The following DNAH10 variants were observed in gnomAD, a reference collection of about 807,000 sequenced individuals.
The protein encoded by DNAH10 is axonemal beta dynein heavy chain 10.
A neutral mutation model predicts 506.6 loss-of-function variants in DNAH10; 348 were observed. The ratio of observed to expected loss-of-function variants is 0.69; its 90% confidence interval spans 0.63 to 0.75. DNAH10 has a LOEUF of 0.75. DNAH10 is among the 30% of genes least tolerant of loss of function. The probability of loss-of-function intolerance (pLI) is 0.00; values close to 1 mark genes in which losing one functional copy is unlikely to be tolerated. For missense variants in DNAH10, 5,179 were observed against 5,787.1 expected, an observed-to-expected ratio of 0.89 and a Z score of 3.41; for synonymous variants, 2,059 against 2,198.6, an observed-to-expected ratio of 0.94 and a Z score of 1.78.
chr12:123,799,615 G>C (rs77264359), intron 14 of DNAH10, among the ~76,000 whole-genome samples: 1 of 152,026 alleles, frequency 6.6e-6, no homozygotes, highest in Non-Finnish European at 1.5e-5. Flanking sequence ...CCAAGCCTCC[G>C]TTTCCCCATT....
chr12:123,879,069 G>A (rs1174352386), intron 48 of DNAH10, among the ~76,000 whole-genome samples, 195 bp from the exon 49 acceptor site: 1 of 152,114 alleles, frequency 6.6e-6, no homozygotes, highest in Non-Finnish European at 1.5e-5. Context: ...TGACTTTAGG[G>A]GGTTTACATT....
intron 32 of DNAH10, among the ~76,000 whole-genome samples, chr12:123,847,218 TTATC>T (rs61214034): frequency 0.18 from 25,051 of 142,604 alleles, 2,214 homozygotes; most frequent in East Asian, 0.31. Context: ...ATCCATCCTA[TTATC>T]TATCTATCTA....
chr12:123,911,270 G>A (rs1180493079), intron 59 of DNAH10, among the ~76,000 whole-genome samples: 2 of 61,790 alleles, frequency 3.2e-5, no homozygotes, highest in Admixed American at 1.4e-4. Context: ...GGTGGTGGGG[G>A]GTCTGTCCTG....
At chr12:123,767,388 G>A (rs1371322403) in intron 1 of DNAH10, among the ~76,000 whole-genome samples, 1 of 152,074 alleles carries the variant, frequency 6.6e-6, no homozygotes, top group Non-Finnish European at 1.5e-5. Context: ...GATCATTTCT[G>A]TATCCTTCGT....
intron 69 of DNAH10, chr12:123,927,812 G>A (rs1480272580): frequency 6.5e-6 from 1 of 153,854 alleles, no homozygotes; most frequent in Non-Finnish European, 1.4e-5. Context: ...TGGCCCAGGA[G>A]GCAAGCCCTG....
intron 17 of DNAH10, among the ~76,000 whole-genome samples, chr12:123,804,537 A>AG: frequency 6.6e-6 from 1 of 152,114 alleles, no homozygotes; most frequent in East Asian, 1.9e-4. Flanking sequence ...CAAAAAAAAA[A>AG]AAAAAGATAC....
At chr12:123,889,380 C>T (rs1271033187) in intron 52 of DNAH10, among the ~76,000 whole-genome samples, 3 of 152,134 alleles carry the variant, frequency 2.0e-5, no homozygotes, top group Non-Finnish European at 2.9e-5. Flanking sequence ...AGTGGGTTGT[C>T]GGCTCCTTGA....
At position 123,835,496 on chromosome 12, in the gene DNAH10, A is replaced by C. The variant is rs2136547867; in HGVS notation, c.4870A>C (p.Lys1624Gln). ...IRSQLPEEAK[K>Q]FDNIDKVFKR... is the part of the protein sequence containing the mutation. ...ATCACAACTTCCGGAAGAGGCAAAA[A>C]AGTTTGACAACATCGATAAAGTATT... The change falls in exon 28 of 79, where the codon AAG becomes CAG. Residue 1624 changes from lysine to glutamine, a missense_variant. Physicochemically the swap from Lys to Gln is moderately conservative, Grantham distance 53. Around this residue, in one of 3 missense-constraint regions of DNAH10, gnomAD observed 4,844 missense variants for 5,430.5 expected, o/e 0.89. Transcript: ENST00000673944. The C allele has an allele frequency of 1.2e-6, 2 of 1,608,674 alleles. No individual in the cohort carries two copies. The highest frequency in any genetic ancestry group is 1.1e-5 in the South Asian group (1 of 89,744).
intron 36 of DNAH10, among the ~76,000 whole-genome samples, chr12:123,856,447 C>T (rs1951395877): frequency 6.7e-6 from 1 of 150,244 alleles, no homozygotes; most frequent in Admixed American, 6.6e-5. Context: ...AGCGATTCTC[C>T]TGCCTCAGCC....
At chr12:123,833,073 A>C (rs1360553292) in intron 26 of DNAH10, 41 bp from the exon 27 acceptor site, 3 of 1,511,332 alleles carry the variant, frequency 2.0e-6, no homozygotes, top group East Asian at 4.8e-5. Flanking sequence ...CGGTCCTTTC[A>C]GTTCGTGTGC....
rs1259092768 is a variant in DNAH10 at position 123,846,581 on chromosome 12, G to T, written c.5814+427G>T. Among the ~76,000 whole-genome samples the T allele has an allele frequency of 6.6e-6, 1 of 152,190 alleles. No individual in the cohort carries two copies. Among genetic ancestry groups the T allele is most frequent in the African/African-American group, 2.4e-5 (1 of 41,444 alleles). ...TAAACTTGTTTGTTGTACAGGAAAT[G>T]AAGATAACACTTCCATCCAGGCAGA... On this transcript the variant is annotated intron_variant, in intron 32 of 78. Coordinates refer to ENST00000673944, the MANE Select transcript of DNAH10 (RefSeq NM_001372106.1). This position sits in a 1 kb window ranked among gnomAD's most constrained non-coding sequence, Gnocchi z 4.5.
chr12:123,878,038 T>C, intron 48 of DNAH10, 130 bp downstream of exon 48: 1 of 1,266,338 alleles, frequency 7.9e-7, no homozygotes, highest in Non-Finnish European at 1.1e-6. Context: ...TCTTTGCTTA[T>C]GTTGAAGAAG....
rs1033237463 is a variant in DNAH10, at chr12:123,846,643, T to G, written c.5814+489T>G. Among the ~76,000 whole-genome samples the G allele has an allele frequency of 5.9e-5, 9 of 152,134 alleles. No homozygotes were observed. Among genetic ancestry groups the G allele is most frequent in the African/African-American group, 2.2e-4 (9 of 41,424 alleles). ...TTTGCAAGCAACCCCCAAGACTGTT[T>G]GTCAGATGCTTGCTAGTTTTCTTTT... On this transcript the variant is annotated intron_variant, in intron 32 of 78. Transcript: ENST00000673944. The surrounding 1 kb of genome is among the most constrained non-coding windows in gnomAD (Gnocchi z 4.5).
chr12:123,774,864 T>C (rs116591400), intron 5 of DNAH10, among the ~76,000 whole-genome samples: 3,004 of 152,292 alleles, frequency 0.02, 102 homozygotes, highest in African/African-American at 0.068. Context: ...GGGGCCAGTT[T>C]GTGGCCAGAT....
At position 123,902,838 on chromosome 12, in the gene DNAH10, GC is replaced by G; in HGVS notation, c.9641-100del. The stretch of plus-strand genomic sequence containing the variant: ...CAGAGCCCCTTAGATCCCCGCTAGG[GC>G]TCAAGCCAACCTTTGAGGACTGCAC... On this transcript the variant is annotated intron_variant, in intron 56 of 78. Coordinates refer to ENST00000673944, the MANE Select transcript of DNAH10 (RefSeq NM_001372106.1). This position sits in a 1 kb window ranked among gnomAD's most constrained non-coding sequence, Gnocchi z 4.5. 7.1e-7 allele frequency: 1 copy of G among 1,415,416 alleles called. No individual in the cohort carries two copies. Among genetic ancestry groups the G allele is most frequent in the Non-Finnish European group, 9.4e-7 (1 of 1,065,686 alleles). The allele number at this position is 1,415,416 out of a possible 1,614,324, so 87.7% of individuals were successfully genotyped here.
At chr12:123,857,797 A>G (rs1951456876) in intron 37 of DNAH10, among the ~76,000 whole-genome samples, 1 of 152,244 alleles carries the variant, frequency 6.6e-6, no homozygotes, top group Non-Finnish European at 1.5e-5. Context: ...CTGTGCAACC[A>G]TCAGCATTAT....
chr12:123,868,708 C>G (rs998429599), intron 43 of DNAH10, among the ~76,000 whole-genome samples: 1 of 152,192 alleles, frequency 6.6e-6, no homozygotes, highest in Non-Finnish European at 1.5e-5. Flanking sequence ...TATTGCTATT[C>G]GAGCATGGCT....
At chr12:123,883,231 C>A (rs1952587583) in intron 51 of DNAH10, among the ~76,000 whole-genome samples, 1 of 152,212 alleles carries the variant, frequency 6.6e-6, no homozygotes, top group South Asian at 2.1e-4. Flanking sequence ...TATGCTCCTA[C>A]AAGTGGAATT....
intron 30 of DNAH10, among the ~76,000 whole-genome samples, chr12:123,844,317 G>A (rs181524638): frequency 3.6e-4 from 55 of 152,260 alleles, no homozygotes; most frequent in Non-Finnish European, 6.5e-4. Context: ...ACGAGACGTG[G>A]GTGGGGACAC....
Sources: allele counts gnomAD v4.1 joint callset (sites outside exome capture counted in the v4.1 genomes callset), GRCh38; gene constraint gnomAD v4.1.1; regional missense constraint gnomAD v4.1.1; non-coding constraint Gnocchi (gnomAD v3.1); transcripts MANE v1.5; gene names NCBI Gene and HGNC (gene_info 2026-07-23, HGNC 2026-07-21).